The following IPCEF1 variants were observed in gnomAD, a reference collection of about 807,000 sequenced individuals.
IPCEF1 encodes interaction protein for cytohesin exchange factors 1, also known as interactor protein for cytohesin exchange factors 1.
IPCEF1 carries 31 observed loss-of-function variants against 50.9 expected under a neutral mutation model. That is an observed-to-expected ratio of 0.61 (90% confidence interval 0.46 to 0.82). The LOEUF is 0.82. Among genes scored for constraint, IPCEF1 ranks in the 40% least tolerant of loss-of-function variants. The pLI is 0.00. For missense variants in IPCEF1, 458 were observed against 514.0 expected (o/e 0.89, Z 1.05); for synonymous variants, 181 against 192.0 (o/e 0.94, Z 0.47).
chr6:154,315,842 C>T (rs988549594), intron 1 of IPCEF1, among the ~76,000 whole-genome samples: 3 of 151,534 alleles, frequency 2.0e-5, no homozygotes, highest in South Asian at 2.1e-4. Context: ...TGGGGGGGAG[C>T]GGTGGTGGAC....
At chr6:154,249,354 A>G (rs1399650830) in intron 3 of IPCEF1, among the ~76,000 whole-genome samples, 1 of 152,154 alleles carries the variant, frequency 6.6e-6, no homozygotes, top group Non-Finnish European at 1.5e-5. Flanking sequence ...CCAAATATGT[A>G]TATTATTTGA....
intron 1 of IPCEF1, among the ~76,000 whole-genome samples, chr6:154,333,698 T>G (rs2128694647): frequency 6.6e-6 from 1 of 151,626 alleles, no homozygotes; most frequent in East Asian, 1.9e-4. Context: ...GTATATATAG[T>G]GCGTTTGTGT....
intron 5 of IPCEF1, among the ~76,000 whole-genome samples, chr6:154,233,847 A>G (rs959524718): frequency 6.6e-5 from 10 of 152,172 alleles, no homozygotes; most frequent in Admixed American, 1.3e-4. Flanking sequence ...ACCTGTGCAG[A>G]GGTCCTCGGA....
intron 2 of IPCEF1, among the ~76,000 whole-genome samples, chr6:154,271,890 G>A (rs1289909685): frequency 6.6e-6 from 1 of 152,212 alleles, no homozygotes; most frequent in Non-Finnish European, 1.5e-5. Context: ...AGGAGGCTAA[G>A]GTGGGAGGAT....
intron 5 of IPCEF1, among the ~76,000 whole-genome samples, chr6:154,227,266 T>C (rs1779328899): frequency 1.3e-5 from 2 of 152,114 alleles, no homozygotes; most frequent in African/African-American, 2.4e-5. Flanking sequence ...AATAGTTCCA[T>C]GGAGCTGAAT....
chr6:154,207,763 T>C (rs566565673), intron 9 of IPCEF1, among the ~76,000 whole-genome samples: 74 of 152,294 alleles, frequency 4.9e-4, no homozygotes, highest in South Asian at 2.5e-3. Flanking sequence ...GATTTTTTTT[T>C]CCTCATTTCA....
Position 154,158,775 on chromosome 6 carries a change from AC to A in IPCEF1, c.*1052del, listed in dbSNP as rs1798813468. On this transcript the variant is annotated 3_prime_UTR_variant, in exon 12 of 12. Transcript: ENST00000367220. ...TATATAATAGTATATCATCTTTTAAACACTAGTAATTTGAACTTCTATAAAT... is the reference window on the plus strand; with the variant it reads ...TATATAATAGTATATCATCTTTTAAAACTAGTAATTTGAACTTCTATAAAT... 1 of 152,242 alleles carries A rather than the reference AC, an allele frequency of 6.6e-6. No homozygotes were observed. The highest frequency in any genetic ancestry group is 6.5e-5 in the Admixed American group (1 of 15,286). 9.4% of individuals were successfully genotyped at this position (152,242 alleles called of 1,614,324 possible). A position where few individuals can be genotyped will look rare whatever the true frequency, so the allele number is the denominator to read the frequency against.
At chr6:154,230,217 T>G (rs913758880) in intron 5 of IPCEF1, among the ~76,000 whole-genome samples, 1 of 152,226 alleles carries the variant, frequency 6.6e-6, no homozygotes, top group African/African-American at 2.4e-5. Flanking sequence ...ACATAAAATG[T>G]ACCTTAATAA....
chr6:154,237,217 G>A (rs531992370), intron 5 of IPCEF1, among the ~76,000 whole-genome samples: 2 of 152,290 alleles, frequency 1.3e-5, no homozygotes, highest in East Asian at 3.9e-4. Context: ...CATCCCATGG[G>A]CCACTTGGCA....
intron 10 of IPCEF1, among the ~76,000 whole-genome samples, chr6:154,188,155 A>C (rs1801547746): frequency 6.6e-6 from 1 of 152,260 alleles, no homozygotes; most frequent in Non-Finnish European, 1.5e-5. Context: ...ACAATTTAGA[A>C]AGTTTGATTC....
chr6:154,204,937 C>T (rs1225458839), intron 9 of IPCEF1, among the ~76,000 whole-genome samples: 1 of 152,230 alleles, frequency 6.6e-6, no homozygotes, highest in Non-Finnish European at 1.5e-5. Flanking sequence ...TTTCTAGCCA[C>T]ACTGGCCTTC....
chr6:154,266,859 T>C (rs1781770017), intron 2 of IPCEF1, among the ~76,000 whole-genome samples: 1 of 152,040 alleles, frequency 6.6e-6, no homozygotes, highest in African/African-American at 2.4e-5. Flanking sequence ...GTTTTCAACA[T>C]TGACAAGCAA....
chr6:154,321,903 T>G (rs1783391700), intron 1 of IPCEF1, among the ~76,000 whole-genome samples: 1 of 150,430 alleles, frequency 6.6e-6, no homozygotes, highest in Admixed American at 6.6e-5. Context: ...AAACCTAACC[T>G]GAACATTTTA....
intron 7 of IPCEF1, among the ~76,000 whole-genome samples, chr6:154,220,439 T>C (rs1778771962): frequency 6.6e-6 from 1 of 152,090 alleles, no homozygotes; most frequent in Non-Finnish European, 1.5e-5. Flanking sequence ...GGTGGATCAC[T>C]TGAGGTCAGG....
chr6:154,161,437 C>T (rs958215691), intron 11 of IPCEF1, among the ~76,000 whole-genome samples: 9 of 152,058 alleles, frequency 5.9e-5, no homozygotes, highest in Non-Finnish European at 1.3e-4. Context: ...TCTCAAACTC[C>T]TTAAACCTCA....
intron 10 of IPCEF1, among the ~76,000 whole-genome samples, chr6:154,178,904 C>G (rs1448610049): frequency 2.0e-5 from 3 of 152,170 alleles, no homozygotes; most frequent in African/African-American, 7.2e-5. Context: ...GAATCATCCA[C>G]AAGCATAAAA....
At chr6:154,181,367 A>C (rs12207740) in intron 10 of IPCEF1, among the ~76,000 whole-genome samples, 2 of 152,136 alleles carry the variant, frequency 1.3e-5, no homozygotes, top group Non-Finnish European at 2.9e-5. Flanking sequence ...TTATTTCATT[A>C]TCTTTTAACA....
intron 1 of IPCEF1, among the ~76,000 whole-genome samples, chr6:154,291,024 G>A (rs758788349): frequency 1.3e-5 from 2 of 151,734 alleles, no homozygotes; most frequent in Non-Finnish European, 2.9e-5. Context: ...CTCCTGAGTA[G>A]CTGGGATTAC....
At chr6:154,215,306 G>T (rs1279865807) in intron 7 of IPCEF1, among the ~76,000 whole-genome samples, 9 of 151,986 alleles carry the variant, frequency 5.9e-5, no homozygotes, top group Admixed American at 2.6e-4. Flanking sequence ...TTTTTGAATA[G>T]AAAATATATA....
Sources: allele counts gnomAD v4.1 joint callset (sites outside exome capture counted in the v4.1 genomes callset), GRCh38; gene constraint gnomAD v4.1.1; transcripts MANE v1.5; gene names NCBI Gene and HGNC (gene_info 2026-07-23, HGNC 2026-07-21).